TRPA1: variants seen among roughly 807,000 people sequenced by gnomAD.
TRPA1 encodes the protein transient receptor potential cation channel subfamily A member 1.
TRPA1 carries 129 observed loss-of-function variants against 131.3 expected under a neutral mutation model. The observed-to-expected ratio is 0.98, with a 90% CI of 0.85 to 1.14. The LOEUF (loss-of-function observed/expected upper bound fraction) is 1.14. Ranked by LOEUF, TRPA1 falls within the 50% of genes most tolerant of loss-of-function variation. TRPA1 has a pLI of 0.00. For missense variants in TRPA1, 1,304 were observed against 1,354.2 expected, an observed-to-expected ratio of 0.96 and a Z score of 0.58; for synonymous variants, 441 against 451.7, an observed-to-expected ratio of 0.98 and a Z score of 0.30.
intron 23 of TRPA1, among the ~76,000 whole-genome samples, chr8:72,030,760 A>T (rs764819668): frequency 3.3e-5 from 5 of 152,182 alleles, no homozygotes; most frequent in Non-Finnish European, 5.9e-5. Flanking sequence ...AGAATGATAC[A>T]TTTTATATCT....
intron 23 of TRPA1, 143 bp from the exon 24 acceptor site, chr8:72,030,112 T>G (rs3779750): frequency 1.2e-6 from 1 of 821,532 alleles, no homozygotes. Flanking sequence ...TAATTGCTTA[T>G]GGTTCTGCAG....
chr8:72,064,450 T>A (rs1182750495), intron 4 of TRPA1, among the ~76,000 whole-genome samples: 1 of 152,050 alleles, frequency 6.6e-6, no homozygotes, highest in Non-Finnish European at 1.5e-5. Context: ...AACAATACTT[T>A]TCTTTATTCC....
At chr8:72,064,053 A>G (rs924099184) in intron 4 of TRPA1, among the ~76,000 whole-genome samples, 6 of 152,236 alleles carry the variant, frequency 3.9e-5, no homozygotes, top group African/African-American at 1.4e-4. Flanking sequence ...GAAGAACTGA[A>G]TGTTATATTA....
At chr8:72,027,527 ATACC>A (rs1441661340) in intron 24 of TRPA1, among the ~76,000 whole-genome samples, 3 of 152,198 alleles carry the variant, frequency 2.0e-5, no homozygotes, top group Admixed American at 1.3e-4. Flanking sequence ...ACATTTAAAA[ATACC>A]CAAACAGCTT....
intron 1 of TRPA1, among the ~76,000 whole-genome samples, chr8:72,074,125 C>T (rs1483128754): frequency 6.7e-6 from 1 of 148,834 alleles, no homozygotes. Flanking sequence ...CATAAAGGTA[C>T]CAAGGGACAG....
rs373580402 is a variant in TRPA1 at position 72,050,761 on chromosome 8, T to C, written c.1905+17A>G. 5.9e-5 allele frequency: 91 copies of C among 1,536,462 alleles called. No individual in the cohort carries two copies. The African/African-American group carries it at 1.1e-3, about 19-fold the overall frequency. On this transcript the variant is annotated intron_variant, in intron 15 of 26. Coordinates refer to ENST00000262209, the MANE Select transcript of TRPA1 (RefSeq NM_007332.3). ...TCAAGCATAAACCCGGGAAGAATTT[T>C]GTTTTAGAGAATTTACCTTCATGCA...
the TRPA1 span, among the ~76,000 whole-genome samples, chr8:72,085,642 C>CT: frequency 6.6e-6 from 1 of 151,726 alleles, no homozygotes; most frequent in Non-Finnish European, 1.5e-5. Context: ...TTTATCTGTA[C>CT]TTTTTTTCCC....
Position 72,038,883 on chromosome 8 carries a change from T to C in TRPA1, c.2277A>G (p.Ser759=), listed in dbSNP as rs148262779. ...TGIINETSDH[S]EILDTTNSYL... Reference sequence around the variant, plus strand: ...AAATTACCGTGGTATCTAGTATTTCTGAATGATCACTAGTTTCATTGATGA... The same window carrying C: ...AAATTACCGTGGTATCTAGTATTTCCGAATGATCACTAGTTTCATTGATGA... The change falls in exon 19 of 27, where the codon TCA becomes TCG. Residue 759 remains serine, a synonymous_variant. Transcript: ENST00000262209. The C allele has an allele frequency of 3.7e-3, 5,902 of 1,612,324 alleles. 15 individuals carry two copies. Among genetic ancestry groups the C allele is most frequent in the Non-Finnish European group, 4.6e-3 (5,478 of 1,179,108 alleles).
chr8:72,061,861 A>G, intron 6 of TRPA1, 100 bp from the exon 7 acceptor site: 2 of 1,260,486 alleles, frequency 1.6e-6, no homozygotes, highest in African/African-American at 1.5e-5. Flanking sequence ...TCATAAAATC[A>G]AGGAATATCT....
intron 2 of TRPA1, among the ~76,000 whole-genome samples, 171 bp from the exon 3 acceptor site, chr8:72,069,369 T>G (rs927907204): frequency 1.3e-5 from 2 of 152,186 alleles, no homozygotes; most frequent in Non-Finnish European, 2.9e-5. Flanking sequence ...AATGGGAACC[T>G]AGTGGGAATA....
At chr8:72,063,195 C>G (rs1253421461) in intron 5 of TRPA1, among the ~76,000 whole-genome samples, 1 of 152,018 alleles carries the variant, frequency 6.6e-6, no homozygotes, top group Non-Finnish European at 1.5e-5. Flanking sequence ...GCCTGGCCAA[C>G]ACGGTGAAAC....
intron 25 of TRPA1, among the ~76,000 whole-genome samples, 175 bp downstream of exon 25, chr8:72,025,785 C>T (rs910654749): frequency 6.6e-6 from 1 of 152,230 alleles, no homozygotes; most frequent in African/African-American, 2.4e-5. Flanking sequence ...ACCCTCCTCT[C>T]ACCCAGCTCT....
rs1328810416 is a variant in TRPA1 at position 72,026,083 on chromosome 8, A to G, written c.2938-10T>C. On this transcript the variant is annotated splice_polypyrimidine_tract_variant and intron_variant, in intron 24 of 26. Coordinates refer to ENST00000262209, the MANE Select transcript of TRPA1 (RefSeq NM_007332.3). ...TGGTATGAAGTTCCACCTAAAGTGC[A>G]TTTTGGATTTATTGATAGAATCATT... 5.0e-6 allele frequency: 8 copies of G among 1,607,364 alleles called. No individual in the cohort carries two copies. Among genetic ancestry groups the G allele is most frequent in the Admixed American group, 1.7e-5 (1 of 59,922 alleles).
At chr8:72,059,280 TAAGC>T in intron 8 of TRPA1, 106 bp downstream of exon 8, 1 of 748,572 alleles carries the variant, frequency 1.3e-6, no homozygotes, top group South Asian at 1.9e-5. Context: ...TTTTTGCTGA[TAAGC>T]AAGAAATCAA....
intron 19 of TRPA1, among the ~76,000 whole-genome samples, chr8:72,038,518 T>C (rs527737210): frequency 1.3e-5 from 2 of 152,210 alleles, no homozygotes; most frequent in Non-Finnish European, 2.9e-5. Flanking sequence ...GGAAACCACA[T>C]ATCCATAAAG....
At chr8:72,065,308 T>C (rs1291531847) in intron 4 of TRPA1, 143 bp downstream of exon 4, 5 of 708,458 alleles carry the variant, frequency 7.1e-6, no homozygotes, top group Admixed American at 2.7e-5. Context: ...CAAAAACACA[T>C]AGAAAAACTT....
the TRPA1 span, among the ~76,000 whole-genome samples, chr8:72,086,567 G>T: frequency 1.3e-5 from 2 of 152,094 alleles, no homozygotes; most frequent in Non-Finnish European, 2.9e-5. Context: ...CCAGAAATTG[G>T]AAGATTTTGA....
chr8:72,069,737 T>A (rs1585890964), intron 2 of TRPA1, among the ~76,000 whole-genome samples: 1 of 142,750 alleles, frequency 7.0e-6, no homozygotes. Context: ...TCAAACTTGG[T>A]AAAAAAAAAA....
intron 1 of TRPA1, 73 bp from the exon 2 acceptor site, chr8:72,071,940 G>T (rs1297524414): frequency 1.5e-6 from 2 of 1,372,076 alleles, no homozygotes; most frequent in Non-Finnish European, 2.1e-6. Flanking sequence ...TTTATAGCCT[G>T]AAAGAACTTA....
Sources: allele counts gnomAD v4.1 joint callset (sites outside exome capture counted in the v4.1 genomes callset), GRCh38; gene constraint gnomAD v4.1.1; transcripts MANE v1.5; gene names NCBI Gene and HGNC (gene_info 2026-07-23, HGNC 2026-07-21).